KRTAP4-12: variants seen among roughly 807,000 people sequenced by gnomAD.
KRTAP4-12 encodes keratin associated protein 4-12, also known as keratin-associated protein 4-12.
A neutral mutation model predicts 0.9 loss-of-function variants in KRTAP4-12; 1 was observed. The ratio of observed to expected loss-of-function variants is 1.11; its 90% confidence interval spans 0.40 to 5.29. KRTAP4-12 has a LOEUF of 5.29. Among genes scored for constraint, KRTAP4-12 ranks in the 30% most tolerant of loss-of-function variants. The probability of loss-of-function intolerance (pLI) is 0.16; values close to 1 mark genes in which losing one functional copy is unlikely to be tolerated. For synonymous variants in KRTAP4-12, 85 were observed against 94.0 expected (o/e 0.90, Z 0.55); for missense variants, 240 against 265.6 (o/e 0.90, Z 0.67).
chr17:41,123,580 A>G lies in KRTAP4-12; in HGVS notation c.543T>C (p.Tyr181=). 1 of 1,612,914 alleles carries G rather than the reference A, an allele frequency of 6.2e-7. No homozygotes were observed. Among genetic ancestry groups the G allele is most frequent in the Admixed American group, 1.7e-5 (1 of 59,792 alleles). ...AGGTGGAGATGACACAGGTTGGGCGATAGCAAGTGGTGTGGCAGGAGACTC... is the reference window on the plus strand; with the variant it reads ...AGGTGGAGATGACACAGGTTGGGCGGTAGCAAGTGGTGTGGCAGGAGACTC... ...CGRVSCHTTC[Y]RPTCVISTCP... is the part of the protein sequence containing the mutation. Residue 181 remains tyrosine, a synonymous_variant, in exon 1 of 1, where the codon TAT becomes TAC. Coordinates refer to ENST00000394014, the MANE Select transcript of KRTAP4-12 (RefSeq NM_031854.3).
rs753883239 is a variant in KRTAP4-12 at position 41,123,966 on chromosome 17, A to T, written c.157T>A (p.Ser53Thr). The change falls in exon 1 of 1, where the codon TCT (serine) becomes ACT (threonine). Residue 53 changes from serine (S) to threonine (T), a missense_variant. Ser to Thr is a moderately conservative substitution (Grantham distance 58, BLOSUM62 1). Around this residue, in one of 3 missense-constraint regions of KRTAP4-12, gnomAD observed 110 missense variants for 115.0 expected, o/e 0.96. Transcript: ENST00000394014. ...CAGCAGGTGGGCTGACAGCACACAG[A>T]CTGGCAGCACTGGGGCCTGCAGCAG... ...SSCCRPQCCQ[S>T]VCCQPTCCRP... 6.4e-7 allele frequency: 1 copy of T among 1,558,122 alleles called. No homozygotes were observed. The highest frequency in any genetic ancestry group is 2.6e-5 in the East Asian group (1 of 38,458).
rs371892786 is a variant in KRTAP4-12, at chr17:41,124,059, G to T, written c.64C>A (p.Arg22Ser). Residue 22 changes from arginine (R) to serine (S), a missense_variant, in exon 1 of 1, where the codon CGC (arginine) becomes AGC (serine). Coordinates refer to ENST00000394014, the MANE Select transcript of KRTAP4-12 (RefSeq NM_031854.3). ...DQGCGLENCC[R>S]PSCCQTTCCR... The stretch of plus-strand genomic sequence containing the variant: ...CAGGTGGTCTGGCAGCAGCTGGGGC[G>T]GCAGCAGTTCTCCAGGCCACAGCCC... 83 of 1,613,702 alleles carry T rather than the reference G, an allele frequency of 5.1e-5. No individual in the cohort carries two copies. Among genetic ancestry groups the T allele is most frequent in the Admixed American group, 2.2e-4 (13 of 59,988 alleles).
chr17:41,124,127 T>G lies in KRTAP4-12; in HGVS notation c.-5A>C. 1 of 1,605,612 alleles carries G rather than the reference T, an allele frequency of 6.2e-7. No homozygotes were observed. Among genetic ancestry groups the G allele is most frequent in the Non-Finnish European group, 8.5e-7 (1 of 1,174,476 alleles). On this transcript the variant is annotated 5_prime_UTR_variant, in exon 1 of 1. Coordinates refer to ENST00000394014, the MANE Select transcript of KRTAP4-12 (RefSeq NM_031854.3). ...GCCACAACAGGAGTTGACCATGGTGTCAGAGGGTGGAGGTTCTCGGTGGGT... is the reference window on the plus strand; with the variant it reads ...GCCACAACAGGAGTTGACCATGGTGGCAGAGGGTGGAGGTTCTCGGTGGGT...
rs1041607681 is a variant in KRTAP4-12 at position 41,123,998 on chromosome 17, A to T, written c.125T>A (p.Val42Glu). ...RTTCCRPSCC[V>E]SSCCRPQCCQ... ...GCACTGGGGCCTGCAGCAGCTGGAC[A>T]CACAGCAGCTGGGGCGGCAGCAGGT... The change falls in exon 1 of 1, where the codon GTG becomes GAG. Residue 42 changes from valine (V) to glutamate (E), a missense_variant. Val to Glu is a moderately radical substitution (Grantham distance 121, BLOSUM62 -2). This residue lies in a region of KRTAP4-12 where 110 missense variants were observed against 115.0 expected (regional missense o/e 0.96). Coordinates refer to ENST00000394014, the MANE Select transcript of KRTAP4-12 (RefSeq NM_031854.3). 1 of 1,602,920 alleles carries T rather than the reference A, an allele frequency of 6.2e-7. No homozygotes were observed. The highest frequency in any genetic ancestry group is 8.5e-7 in the Non-Finnish European group (1 of 1,178,548).
rs1479473374 is a variant in KRTAP4-12, at chr17:41,123,527, G to C, written c.596C>G (p.Ser199Cys). 6.2e-7 allele frequency: 1 copy of C among 1,612,032 alleles called. No individual in the cohort carries two copies. Among genetic ancestry groups the C allele is most frequent in the Non-Finnish European group, 8.5e-7 (1 of 1,179,068 alleles). ...TCPRPLCCASSCC is the reference protein window; with the variant it reads ...TCPRPLCCASCCC The stretch of plus-strand genomic sequence containing the variant: ...GTTCACAGCAGAGATTTAGCAGCAA[G>C]AGGAGGCACAGCACAAGGGGCGGGG... The change falls in exon 1 of 1, where the codon TCT becomes TGT. Residue 199 changes from serine (S) to cysteine (C), a missense_variant. Physicochemically the swap from Ser to Cys is moderately radical, Grantham distance 112. Around this residue, in one of 3 missense-constraint regions of KRTAP4-12, gnomAD observed 119 missense variants for 106.2 expected, o/e 1.12. Coordinates refer to ENST00000394014, the MANE Select transcript of KRTAP4-12 (RefSeq NM_031854.3).
In KRTAP4-12 at chr17:41,123,907, C is replaced by G. The variant is rs755183508; in HGVS notation, c.216G>C (p.Arg72Ser). ...RPSCCQTTCC[R>S]TTCCRPSCCV... ...AGCAGCTGGGGCGGCAGCAGGTGGT[C>G]CTACAGCAGGTGGTCTGACAGCAGC... The change falls in exon 1 of 1, where the codon AGG becomes AGC. Residue 72 changes from arginine to serine, a missense_variant. Physicochemically the swap from Arg to Ser is moderately radical, Grantham distance 110 (BLOSUM62 -1). Coordinates refer to ENST00000394014, the MANE Select transcript of KRTAP4-12 (RefSeq NM_031854.3). 6.4e-6 allele frequency: 10 copies of G among 1,563,198 alleles called. 1 individual carries two copies. In the Admixed American group the frequency reaches 1.8e-4, roughly 28 times the overall value.
Position 41,123,932 on chromosome 17 carries a change from C to T in KRTAP4-12, c.191G>A (p.Ser64Asn), listed in dbSNP as rs1228680550. 3.2e-6 allele frequency: 5 copies of T among 1,559,696 alleles called. No homozygotes were observed. The highest frequency in any genetic ancestry group is 1.9e-5 in the Admixed American group (1 of 53,888). ...VCCQPTCCRP[S>N]CCQTTCCRTT... ...CCTACAGCAGGTGGTCTGACAGCAG[C>T]TGGGGCGGCAGCAGGTGGGCTGACA... Residue 64 changes from serine (S) to asparagine (N), a missense_variant, in exon 1 of 1, where the codon AGC (serine) becomes AAC (asparagine). By Grantham distance (46) the Ser-to-Asn change is conservative. Coordinates refer to ENST00000394014, the MANE Select transcript of KRTAP4-12 (RefSeq NM_031854.3).
chr17:41,123,956 C>T lies in KRTAP4-12; in HGVS notation c.167G>A (p.Cys56Tyr), dbSNP rs774077539. The change falls in exon 1 of 1, where the codon TGT (cysteine) becomes TAT (tyrosine). Residue 56 changes from cysteine (C) to tyrosine (Y), a missense_variant. Cys to Tyr is a radical substitution (Grantham distance 194). This residue lies in a region of KRTAP4-12 where 110 missense variants were observed against 115.0 expected (regional missense o/e 0.96). Transcript: ENST00000394014. ...GCTGGGGCGGCAGCAGGTGGGCTGACAGCACACAGACTGGCAGCACTGGGG... is the reference window on the plus strand; with the variant it reads ...GCTGGGGCGGCAGCAGGTGGGCTGATAGCACACAGACTGGCAGCACTGGGG... ...CRPQCCQSVC[C>Y]QPTCCRPSCC... The T allele has an allele frequency of 6.4e-7, 1 of 1,560,506 alleles. No homozygotes were observed. The highest frequency in any genetic ancestry group is 8.5e-7 in the Non-Finnish European group (1 of 1,170,642).
rs1567982424 is a variant in KRTAP4-12 at position 41,123,991 on chromosome 17, G to T, written c.132C>A (p.Ser44Arg). The stretch of plus-strand genomic sequence containing the variant: ...ACTGGCAGCACTGGGGCCTGCAGCA[G>T]CTGGACACACAGCAGCTGGGGCGGC... ...TCCRPSCCVS[S>R]CCRPQCCQSV... Residue 44 changes from serine (S) to arginine (R), a missense_variant, in exon 1 of 1, where the codon AGC (serine) becomes AGA (arginine). Physicochemically the swap from Ser to Arg is moderately radical, Grantham distance 110. Around this residue, in one of 3 missense-constraint regions of KRTAP4-12, gnomAD observed 110 missense variants for 115.0 expected, o/e 0.96. Transcript: ENST00000394014. 1.9e-6 allele frequency: 3 copies of T among 1,604,340 alleles called. No homozygotes were observed. Among genetic ancestry groups the T allele is most frequent in the Non-Finnish European group, 2.5e-6 (3 of 1,178,940 alleles).
At position 41,123,894 on chromosome 17, in the gene KRTAP4-12, G is replaced by A. The variant is rs762855668; in HGVS notation, c.229C>T (p.Arg77Cys). The change falls in exon 1 of 1, where the codon CGC (arginine) becomes TGC (cysteine). Residue 77 changes from arginine to cysteine, a missense_variant. Transcript: ENST00000394014. ...CAGCTGGACACACAGCAGCTGGGGC[G>A]GCAGCAGGTGGTCCTACAGCAGGTG... is the stretch of plus-strand genomic sequence containing the variant. ...QTTCCRTTCC[R>C]PSCCVSSCCR... 22 of 1,568,562 alleles carry A rather than the reference G, an allele frequency of 1.4e-5. No homozygotes were observed. The highest frequency in any genetic ancestry group is 1.9e-5 in the African/African-American group (1 of 53,108).
chr17:41,123,149 A>G lies in KRTAP4-12; in HGVS notation c.*368T>C. 2.8e-6 allele frequency: 1 copy of G among 352,604 alleles called. No homozygotes were observed. The highest frequency in any genetic ancestry group is 7.9e-4 in the Middle Eastern group (1 of 1,272). 21.8% of individuals were successfully genotyped at this position (352,604 alleles called of 1,614,324 possible). On this transcript the variant is annotated 3_prime_UTR_variant, in exon 1 of 1. Transcript: ENST00000394014. ...GTACATGGAAATAACAAGGTACAAA[A>G]ATGTTTGCAAAAGACTTTAAGAGAG...
chr17:41,123,427 A>G lies in KRTAP4-12; in HGVS notation c.*90T>C. 6.8e-7 allele frequency: 1 copy of G among 1,479,724 alleles called. No individual in the cohort carries two copies. The highest frequency in any genetic ancestry group is 9.0e-7 in the Non-Finnish European group (1 of 1,111,432). 91.7% of individuals were successfully genotyped at this position (1,479,724 alleles called of 1,614,324 possible). ...GAGGTTTGCTTATGGGACCCAGATCAATTCTCTTGAACAGTCCGCATGTTT... is the reference window on the plus strand; with the variant it reads ...GAGGTTTGCTTATGGGACCCAGATCGATTCTCTTGAACAGTCCGCATGTTT... On this transcript the variant is annotated 3_prime_UTR_variant, in exon 1 of 1. Transcript: ENST00000394014.
chr17:41,123,814 G>T lies in KRTAP4-12; in HGVS notation c.309C>A (p.Pro103=), dbSNP rs759256058. 6.2e-7 allele frequency: 1 copy of T among 1,612,860 alleles called. No individual in the cohort carries two copies. The highest frequency in any genetic ancestry group is 1.3e-5 in the African/African-American group (1 of 74,656). The change falls in exon 1 of 1, where the codon CCC becomes CCA. Residue 103 remains proline, a synonymous_variant. Transcript: ENST00000394014. ...SVCCQPTCCR[P]SCCQTTCCRT... ...TGCAGCAGGTGGTCTGACAGCAGCT[G>T]GGGCGGCAGCAGGTGGGCTGGCAGC...
chr17:41,123,741 G>A lies in KRTAP4-12; in HGVS notation c.382C>T (p.Pro128Ser), dbSNP rs758299180. Reference sequence around the variant, plus strand: ...CAGCACACAGACTGGCAGCACTGGGGTCTGCAGCAGCTGGACACACAGCAG... The same window carrying A: ...CAGCACACAGACTGGCAGCACTGGGATCTGCAGCAGCTGGACACACAGCAG... Reference protein sequence around the residue: ...PSCCVSSCCRPQCCQSVCCQP... With the variant: ...PSCCVSSCCRSQCCQSVCCQP... Residue 128 changes from proline to serine, a missense_variant, in exon 1 of 1, where the codon CCC becomes TCC. Physicochemically the swap from Pro to Ser is moderately conservative, Grantham distance 74. Around this residue, in one of 3 missense-constraint regions of KRTAP4-12, gnomAD observed 119 missense variants for 106.2 expected, o/e 1.12. Transcript: ENST00000394014. 1.2e-5 allele frequency: 20 copies of A among 1,613,066 alleles called. No homozygotes were observed. In the East Asian group the frequency reaches 3.6e-4, roughly 29 times the overall value.
Position 41,123,623 on chromosome 17 carries a change from A to G in KRTAP4-12, c.500T>C (p.Leu167Pro). ...ESSCCRPCCCLRPVCGRVSCH... is the reference protein window; with the variant it reads ...ESSCCRPCCCPRPVCGRVSCH... ...GGAGACTCGGCCACAGACTGGACGC[A>G]GGCAGCAGCAGGGGCGGCAGCAGCT... The change falls in exon 1 of 1, where the codon CTG becomes CCG. Residue 167 changes from leucine to proline, a missense_variant. By Grantham distance (98) the Leu-to-Pro change is moderately conservative. Coordinates refer to ENST00000394014, the MANE Select transcript of KRTAP4-12 (RefSeq NM_031854.3). 6.2e-7 allele frequency: 1 copy of G among 1,613,468 alleles called. No homozygotes were observed. The highest frequency in any genetic ancestry group is 8.5e-7 in the Non-Finnish European group (1 of 1,179,804).
At position 41,123,313 on chromosome 17, in the gene KRTAP4-12, T is replaced by G. The variant is rs1332823226; in HGVS notation, c.*204A>C. The G allele has an allele frequency of 1.9e-6, 2 of 1,050,630 alleles. No individual in the cohort carries two copies. Among genetic ancestry groups the G allele is most frequent in the African/African-American group, 3.2e-5 (2 of 61,786 alleles). The allele number at this position is 1,050,630 out of a possible 1,614,324, so 65.1% of individuals were successfully genotyped here. The stretch of plus-strand genomic sequence containing the variant: ...TGGGAGGATGTTGGAGGACAATTTG[T>G]CAATTTATTAGGAGATTGTCAATGA... On this transcript the variant is annotated 3_prime_UTR_variant, in exon 1 of 1. Coordinates refer to ENST00000394014, the MANE Select transcript of KRTAP4-12 (RefSeq NM_031854.3).
rs770631035 is a variant in KRTAP4-12, at chr17:41,123,871, G to T, written c.252C>A (p.Ser84Arg). The T allele has an allele frequency of 1.3e-6, 2 of 1,592,612 alleles. No individual in the cohort carries two copies. The highest frequency in any genetic ancestry group is 1.7e-6 in the Non-Finnish European group (2 of 1,178,838). The change falls in exon 1 of 1, where the codon AGC becomes AGA. Residue 84 changes from serine (S) to arginine (R), a missense_variant. By Grantham distance (110) the Ser-to-Arg change is moderately radical. Coordinates refer to ENST00000394014, the MANE Select transcript of KRTAP4-12 (RefSeq NM_031854.3). ...ACTGGCAGCACTGGGGTCTGCAGCAGCTGGACACACAGCAGCTGGGGCGGC... is the reference window on the plus strand; with the variant it reads ...ACTGGCAGCACTGGGGTCTGCAGCATCTGGACACACAGCAGCTGGGGCGGC... ...TCCRPSCCVS[S>R]CCRPQCCQSV...
Position 41,123,905 on chromosome 17 carries a change from G to A in KRTAP4-12, c.218C>T (p.Thr73Ile), listed in dbSNP as rs547029739. Reference sequence around the variant, plus strand: ...ACAGCAGCTGGGGCGGCAGCAGGTGGTCCTACAGCAGGTGGTCTGACAGCA... The same window carrying A: ...ACAGCAGCTGGGGCGGCAGCAGGTGATCCTACAGCAGGTGGTCTGACAGCA... ...PSCCQTTCCRTTCCRPSCCVS... is the reference protein window; with the variant it reads ...PSCCQTTCCRITCCRPSCCVS... The change falls in exon 1 of 1, where the codon ACC (threonine) becomes ATC (isoleucine). Residue 73 changes from threonine (T) to isoleucine (I), a missense_variant. Thr to Ile is a moderately conservative substitution (Grantham distance 89, BLOSUM62 -1). Coordinates refer to ENST00000394014, the MANE Select transcript of KRTAP4-12 (RefSeq NM_031854.3). The A allele has an allele frequency of 2.4e-5, 38 of 1,568,192 alleles. 2 individuals carry two copies. The South Asian group carries it at 3.8e-4, about 16-fold the overall frequency.
chr17:41,123,387 A>C lies in KRTAP4-12; in HGVS notation c.*130T>G. On this transcript the variant is annotated 3_prime_UTR_variant, in exon 1 of 1. Transcript: ENST00000394014. ...TGGACAAAAGGTAGAATGCAAATAC[A>C]GAATTTCTAAGGATGAGGTTTGCTT... The C allele has an allele frequency of 7.0e-7, 1 of 1,436,242 alleles. No individual in the cohort carries two copies. 89.0% of individuals were successfully genotyped at this position (1,436,242 alleles called of 1,614,324 possible). A position where few individuals can be genotyped will look rare whatever the true frequency, so the allele number is the denominator to read the frequency against.
Sources: gnomAD v4.1 joint callset for allele counts on GRCh38, gnomAD v4.1.1 for gene constraint, gnomAD v4.1.1 regional missense constraint, MANE v1.5 for transcripts, NCBI Gene and HGNC (gene_info 2026-07-23, HGNC 2026-07-21) for gene names.